Variants in PARP10 observed in about 807,000 individuals in gnomAD.
PARP10 encodes the protein protein mono-ADP-ribosyltransferase PARP10.
A neutral mutation model predicts 82.4 loss-of-function variants in PARP10; 56 were observed. The ratio of observed to expected loss-of-function variants is 0.68; its 90% CI spans 0.55 to 0.85. The LOEUF (loss-of-function observed/expected upper bound fraction) is 0.85, where lower values mean the gene tolerates loss of function less well. Ranked by LOEUF, PARP10 falls within the 40% of genes least tolerant of loss-of-function variation. The pLI is 0.00. For synonymous variants in PARP10, 576 were observed against 601.1 expected, an observed-to-expected ratio of 0.96 and a Z score of 0.61; for missense variants, 1,227 against 1,379.4, an observed-to-expected ratio of 0.89 and a Z score of 1.75.
At chr8:143,987,390 C>G (rs1384158476), upstream of PARP10, among the ~76,000 whole-genome samples, 2 of 152,212 alleles carry the variant, frequency 1.3e-5, no homozygotes, top group Non-Finnish European at 2.9e-5. Flanking sequence ...CCCTGGCCAG[C>G]CTGCACTCCT....
chr8:143,983,145 T>C (rs1390456248), intron 8 of PARP10, 22 bp downstream of exon 8: 2 of 1,611,646 alleles, frequency 1.2e-6, no homozygotes, highest in African/African-American at 2.7e-5. Context: ...CCACCGTCCC[T>C]CAGTCCAGGA....
intron 1 of PARP10, among the ~76,000 whole-genome samples, chr8:144,010,162 C>A (rs1834264247): frequency 1.3e-5 from 2 of 152,182 alleles, no homozygotes; most frequent in African/African-American, 4.8e-5. Context: ...CCTGCTGTAC[C>A]CTCTCCCAGC....
rs564372131 is a variant in PARP10, at chr8:143,977,192, G to T, written c.*292C>A. The T allele has an allele frequency of 4.5e-6, 2 of 448,464 alleles. No homozygotes were observed. The highest frequency in any genetic ancestry group is 7.6e-5 in the South Asian group (2 of 26,396). 27.8% of individuals were successfully genotyped at this position (448,464 alleles called of 1,614,324 possible). On this transcript the variant is annotated 3_prime_UTR_variant, in exon 11 of 11. Coordinates refer to ENST00000313028, the MANE Select transcript of PARP10 (RefSeq NM_032789.5). ...CCCTTCCGCCTGGGTTCACGTTCAC[G>T]TTTATTCAAACAACAGAGCCGACTC...
In PARP10 at chr8:143,984,002, C is replaced by T; in HGVS notation, c.1777+6G>A. 6.6e-7 allele frequency: 1 copy of T among 1,513,078 alleles called. No homozygotes were observed. Among genetic ancestry groups the T allele is most frequent in the South Asian group, 1.3e-5 (1 of 74,446 alleles). The allele number at this position is 1,513,078 out of a possible 1,614,324, so 93.7% of individuals were successfully genotyped here. A position where few individuals can be genotyped will look rare whatever the true frequency, so the allele number is the denominator to read the frequency against. The stretch of plus-strand genomic sequence containing the variant: ...GGATGTGCTGAGGGCTCCCAGGGAG[C>T]CCTACCCAGGCTCACGTCCTCCTGG... On this transcript the variant is annotated splice_donor_region_variant and intron_variant, in intron 7 of 10. Coordinates refer to ENST00000313028, the MANE Select transcript of PARP10 (RefSeq NM_032789.5).
chr8:144,006,225 A>G (rs1339939056), intron 1 of PARP10, among the ~76,000 whole-genome samples: 1 of 152,148 alleles, frequency 6.6e-6, no homozygotes, highest in Non-Finnish European at 1.5e-5. Context: ...GCAGGTTTTC[A>G]AGATCTATGG....
intron 1 of PARP10, among the ~76,000 whole-genome samples, chr8:143,998,982 TTTAA>T (rs1834180868): frequency 1.3e-5 from 2 of 151,320 alleles, no homozygotes; most frequent in Non-Finnish European, 2.9e-5. Flanking sequence ...CAAGCTTTTC[TTTAA>T]TTCTTTCTCC....
intron 1 of PARP10, among the ~76,000 whole-genome samples, chr8:144,003,034 A>G (rs1834212719): frequency 6.6e-6 from 1 of 152,242 alleles, no homozygotes; most frequent in Admixed American, 6.5e-5. Flanking sequence ...AATGCAGGAC[A>G]ATCGATTTTT....
In PARP10 at chr8:143,985,936, T is replaced by G. The variant is rs1554749240; in HGVS notation, c.221A>C (p.His74Pro). 1 of 1,580,192 alleles carries G rather than the reference T, an allele frequency of 6.3e-7. No homozygotes were observed. ...RVLAQADHEL[H>P]GAQLSLRPAP... ...TGGCCGCAGGCTCAGCTGGGCACCA[T>G]GTAGTTCGTGATCTGCCTGGGCCAA... is the stretch of plus-strand genomic sequence containing the variant. The change falls in exon 3 of 11, where the codon CAT (histidine) becomes CCT (proline). Residue 74 changes from histidine (H) to proline (P), a missense_variant. By Grantham distance (77) the His-to-Pro change is moderately conservative. Coordinates refer to ENST00000313028, the MANE Select transcript of PARP10 (RefSeq NM_032789.5).
intron 1 of PARP10, among the ~76,000 whole-genome samples, chr8:144,003,067 G>C (rs1834212810): frequency 6.6e-6 from 1 of 152,064 alleles, no homozygotes; most frequent in Non-Finnish European, 1.5e-5. Context: ...GAGACTTCTG[G>C]CCACAAAGGA....
chr8:143,992,812 C>G (rs782689091), upstream of PARP10: 1 of 1,613,756 alleles, frequency 6.2e-7, no homozygotes, highest in Non-Finnish European at 8.5e-7. Context: ...CCTGTACATC[C>G]TCACCATCAT....
At position 143,977,617 on chromosome 8, in the gene PARP10, A is replaced by T. The variant is rs199980296; in HGVS notation, c.2945T>A (p.Ile982Asn). The T allele has an allele frequency of 6.3e-7, 1 of 1,590,902 alleles. No individual in the cohort carries two copies. The highest frequency in any genetic ancestry group is 8.6e-7 in the Non-Finnish European group (1 of 1,169,578). ...GATGACGAAGATGCTGGGCTGGCAG[A>T]TGCAGTCCACGGCGCTGTCGTAGCG... ...LLRYDSAVDC[I>N]CQPSIFVIFH... Residue 982 changes from isoleucine (I) to asparagine (N), a missense_variant, in exon 11 of 11, where the codon ATC (isoleucine) becomes AAC (asparagine). Transcript: ENST00000313028.
intron 9 of PARP10, 130 bp from the exon 10 acceptor site, chr8:143,978,211 C>T: frequency 9.6e-7 from 1 of 1,040,602 alleles, no homozygotes; most frequent in Non-Finnish European, 1.3e-6. Flanking sequence ...CCCTTGCAGC[C>T]CCCATCATGC....
At chr8:144,010,330 C>T (rs1834266449) in intron 1 of PARP10, among the ~76,000 whole-genome samples, 1 of 152,224 alleles carries the variant, frequency 6.6e-6, no homozygotes, top group Non-Finnish European at 1.5e-5. Context: ...TAACATAATG[C>T]CTGCCACAGT....
At chr8:144,001,970 C>T (rs1191982080) in intron 1 of PARP10, among the ~76,000 whole-genome samples, 1 of 150,586 alleles carries the variant, frequency 6.6e-6, no homozygotes. Context: ...TATCAAAGTT[C>T]TTACCCGTGG....
At chr8:144,001,873 CGTGTGTGTGTGTGTGTGTGTGT>C (rs57117824) in intron 1 of PARP10, among the ~76,000 whole-genome samples, 1 of 136,416 alleles carries the variant, frequency 7.3e-6, no homozygotes, top group Non-Finnish European at 1.6e-5. Flanking sequence ...AATATATATA[CGTGTGTGTGTGTGTGTGTGTGT>C]GTGTGTGTGT....
At chr8:144,007,189 C>T (rs572579042) in intron 1 of PARP10, among the ~76,000 whole-genome samples, 3 of 152,304 alleles carry the variant, frequency 2.0e-5, no homozygotes, top group Admixed American at 6.5e-5. Flanking sequence ...ACCTGGATGA[C>T]CCCTGGGGTT....
intron 9 of PARP10, among the ~76,000 whole-genome samples, chr8:143,980,944 A>G (rs1381661470): frequency 1.3e-5 from 2 of 152,204 alleles, no homozygotes; most frequent in Non-Finnish European, 2.9e-5. Context: ...GTAACTGACC[A>G]AATTGAGATG....
chr8:143,991,277 C>G, upstream of PARP10: 6 of 1,524,190 alleles, frequency 3.9e-6, no homozygotes, highest in Non-Finnish European at 5.4e-6. Context: ...CTCCCCCCAA[C>G]CCTGGATATC....
chr8:143,995,121 G>T (rs782426018), upstream of PARP10, among the ~76,000 whole-genome samples: 19 of 152,156 alleles, frequency 1.2e-4, no homozygotes, highest in Non-Finnish European at 2.1e-4. Flanking sequence ...GGGGGTGGAG[G>T]GTCCACAGCA....
Sources: allele counts gnomAD v4.1 joint callset (sites outside exome capture counted in the v4.1 genomes callset), GRCh38; gene constraint gnomAD v4.1.1; transcripts MANE v1.5; gene names NCBI Gene and HGNC (gene_info 2026-07-23, HGNC 2026-07-21).